Variants in PDE6D observed in about 807,000 individuals in gnomAD.
PDE6D encodes the protein retinal rod rhodopsin-sensitive cGMP 3',5'-cyclic phosphodiesterase subunit delta.
Under a neutral mutation model 21.9 loss-of-function variants are expected in PDE6D, and 10 were observed. That is an observed-to-expected ratio of 0.46 (90% CI 0.28 to 0.78). The LOEUF is 0.78. Among genes scored for constraint, PDE6D ranks in the 30% least tolerant of loss-of-function variants. PDE6D has a pLI of 0.12. For synonymous variants in PDE6D, 59 were observed against 63.5 expected (o/e 0.93, Z 0.34); for missense variants, 139 against 184.8 (o/e 0.75, Z 1.44).
At position 231,781,125 on chromosome 2, in the gene PDE6D, T is replaced by C; in HGVS notation, c.-11A>G. 1 of 1,610,468 alleles carries C rather than the reference T, an allele frequency of 6.2e-7. No homozygotes were observed. Among genetic ancestry groups the C allele is most frequent in the Non-Finnish European group, 8.5e-7 (1 of 1,178,904 alleles). On this transcript the variant is annotated 5_prime_UTR_variant, in exon 1 of 5. Coordinates refer to ENST00000287600, the MANE Select transcript of PDE6D (RefSeq NM_002601.4). Reference sequence around the variant, plus strand: ...GTCCTTGGCTGACATGATGCGGCGGTCGCCGCCCGCGGCTTTCTCACTCTG... The same window carrying C: ...GTCCTTGGCTGACATGATGCGGCGGCCGCCGCCCGCGGCTTTCTCACTCTG...
chr2:231,780,064 G>T (rs763770387), intron 1 of PDE6D, among the ~76,000 whole-genome samples: 1 of 152,148 alleles, frequency 6.6e-6, no homozygotes, highest in Non-Finnish European at 1.5e-5. Flanking sequence ...CAGGAGAATG[G>T]AAAATTTGAA....
At chr2:231,740,108 C>A (rs1252623676) in intron 1 of PDE6D, among the ~76,000 whole-genome samples, 2 of 152,018 alleles carry the variant, frequency 1.3e-5, no homozygotes, top group African/African-American at 4.8e-5. Flanking sequence ...TAATAAAATT[C>A]TGTATATTTT....
rs376586950 is a variant in PDE6D at position 231,781,160 on chromosome 2, G to A, written c.-46C>T. 20 of 1,598,458 alleles carry A rather than the reference G, an allele frequency of 1.3e-5. No homozygotes were observed. Among genetic ancestry groups the A allele is most frequent in the Non-Finnish European group, 1.6e-5 (19 of 1,168,512 alleles). The stretch of plus-strand genomic sequence containing the variant: ...CGGCTTTCTCACTCTGGTCGGCGGA[G>A]CCTCGCAGACGGTGCCCAGGAGCCG... On this transcript the variant is annotated 5_prime_UTR_variant, in exon 1 of 5. Coordinates refer to ENST00000287600, the MANE Select transcript of PDE6D (RefSeq NM_002601.4).
chr2:231,781,059 G>C lies in PDE6D; in HGVS notation c.50+6C>G, dbSNP rs371279759. The C allele has an allele frequency of 7.4e-6, 12 of 1,612,202 alleles. No homozygotes were observed. Among genetic ancestry groups the C allele is most frequent in the Non-Finnish European group, 1.0e-5 (12 of 1,178,824 alleles). On this transcript the variant is annotated splice_donor_region_variant and intron_variant, in intron 1 of 4. Coordinates refer to ENST00000287600, the MANE Select transcript of PDE6D (RefSeq NM_002601.4). ...TCCCGGCCCCGCCCCGCTCCCGGACGGATACAGTTTGAAGCCCCTCAGGAT... is the reference window on the plus strand; with the variant it reads ...TCCCGGCCCCGCCCCGCTCCCGGACCGATACAGTTTGAAGCCCCTCAGGAT...
chr2:231,759,126 T>G (rs1462975266), intron 1 of PDE6D, among the ~76,000 whole-genome samples: 1 of 151,802 alleles, frequency 6.6e-6, no homozygotes, highest in African/African-American at 2.4e-5. Flanking sequence ...GACACCAGCC[T>G]GGGTAACATA....
rs760207745 is a variant in PDE6D at position 231,781,123 on chromosome 2, G to A, written c.-9C>T. 1 of 1,611,384 alleles carries A rather than the reference G, an allele frequency of 6.2e-7. No individual in the cohort carries two copies. The highest frequency in any genetic ancestry group is 1.1e-5 in the South Asian group (1 of 91,000). ...TCGTCCTTGGCTGACATGATGCGGC[G>A]GTCGCCGCCCGCGGCTTTCTCACTC... On this transcript the variant is annotated 5_prime_UTR_variant, in exon 1 of 5. Coordinates refer to ENST00000287600, the MANE Select transcript of PDE6D (RefSeq NM_002601.4).
Position 231,781,217 on chromosome 2 carries a change from C to T in PDE6D, c.-103G>A. 2 of 1,140,744 alleles carry T rather than the reference C, an allele frequency of 1.8e-6. No homozygotes were observed. Among genetic ancestry groups the T allele is most frequent in the Non-Finnish European group, 2.6e-6 (2 of 769,682 alleles). 70.7% of individuals were successfully genotyped at this position (1,140,744 alleles called of 1,614,324 possible). ...GAGCCGCAGCCCGGCTTGGAGACCT[C>T]GGGCTAGCAGCCGCAGCGGCCAGAC... On this transcript the variant is annotated 5_prime_UTR_variant, in exon 1 of 5. Coordinates refer to ENST00000287600, the MANE Select transcript of PDE6D (RefSeq NM_002601.4).
intron 1 of PDE6D, among the ~76,000 whole-genome samples, chr2:231,755,098 G>A (rs1035674894): frequency 3.3e-5 from 5 of 152,060 alleles, no homozygotes; most frequent in East Asian, 1.9e-4. Flanking sequence ...ATAAGGATAC[G>A]AGAAAACAGT....
At chr2:231,777,776 A>C (rs2049068465) in intron 1 of PDE6D, among the ~76,000 whole-genome samples, 1 of 152,228 alleles carries the variant, frequency 6.6e-6, no homozygotes, top group African/African-American at 2.4e-5. Flanking sequence ...TACTTAGTAA[A>C]TAGTACTGGA....
Position 231,738,728 on chromosome 2 carries a change from C to T in PDE6D, c.139+372G>A, listed in dbSNP as rs145655890. ...GTCCGGAGTTCGAGACCAGGATGGCCAACATGGTGAAACCCCATCTCTACT... is the reference window on the plus strand; with the variant it reads ...GTCCGGAGTTCGAGACCAGGATGGCTAACATGGTGAAACCCCATCTCTACT... On this transcript the variant is annotated intron_variant, in intron 2 of 4. Coordinates refer to ENST00000287600, the MANE Select transcript of PDE6D (RefSeq NM_002601.4). Among the ~76,000 whole-genome samples, 171 of 151,812 alleles carry T rather than the reference C, an allele frequency of 1.1e-3. 1 individual carries two copies. The highest frequency in any genetic ancestry group is 2.1e-3 in the East Asian group (11 of 5,158).
chr2:231,760,108 A>C (rs1050494060), intron 1 of PDE6D, among the ~76,000 whole-genome samples: 2 of 152,368 alleles, frequency 1.3e-5, no homozygotes, highest in African/African-American at 4.8e-5. Context: ...TATTTGAATC[A>C]GCTGGTATAC....
At chr2:231,750,586 C>T (rs917491269) in intron 1 of PDE6D, among the ~76,000 whole-genome samples, 6 of 150,470 alleles carry the variant, frequency 4.0e-5, no homozygotes, top group South Asian at 4.2e-4. Flanking sequence ...AACCTCCTCC[C>T]GGGTTCGAGA....
At chr2:231,760,370 T>C (rs530819308) in intron 1 of PDE6D, among the ~76,000 whole-genome samples, 1 of 152,342 alleles carries the variant, frequency 6.6e-6, no homozygotes, top group Admixed American at 6.5e-5. Context: ...ATAATTTAGA[T>C]ATTATTCATG....
intron 2 of PDE6D, 89 bp from the exon 3 acceptor site, chr2:231,738,227 G>T: frequency 8.1e-7 from 1 of 1,239,620 alleles, no homozygotes; most frequent in Non-Finnish European, 1.1e-6. Flanking sequence ...TCTTACAGCT[G>T]ATTTAGAGAA....
At chr2:231,737,522 C>A in intron 3 of PDE6D, 1 of 451,574 alleles carries the variant, frequency 2.2e-6, no homozygotes. Flanking sequence ...AGGACTAGGA[C>A]CAGCGAGCAG....
At chr2:231,747,431 G>A (rs1191314771) in intron 1 of PDE6D, among the ~76,000 whole-genome samples, 1 of 151,714 alleles carries the variant, frequency 6.6e-6, no homozygotes, top group African/African-American at 2.4e-5. Context: ...TAACTGAAGA[G>A]CACATTTAAA....
rs778761508 is a variant in PDE6D, at chr2:231,738,003, A to C, written c.265+10T>G. The C allele has an allele frequency of 1.9e-6, 3 of 1,612,110 alleles. No homozygotes were observed. The highest frequency in any genetic ancestry group is 2.5e-6 in the Non-Finnish European group (3 of 1,179,114). On this transcript the variant is annotated intron_variant, in intron 3 of 4. Coordinates refer to ENST00000287600, the MANE Select transcript of PDE6D (RefSeq NM_002601.4). ...AAGCCCTGATTTCAGGCATGTAGGCAGCAGAATACCTTCTAGGCATTGCCC... is the reference window on the plus strand; with the variant it reads ...AAGCCCTGATTTCAGGCATGTAGGCCGCAGAATACCTTCTAGGCATTGCCC...
chr2:231,734,846 C>CA (rs781430047), intron 4 of PDE6D, among the ~76,000 whole-genome samples: 7,739 of 64,584 alleles, frequency 0.12, 275 homozygotes, highest in South Asian at 0.15. Context: ...GACTCCGTCT[C>CA]AAAAAAAAAA....
At chr2:231,733,111 T>TC in intron 4 of PDE6D, 78 bp from the exon 5 acceptor site, 1 of 996,198 alleles carries the variant, frequency 1.0e-6, no homozygotes, top group Non-Finnish European at 1.6e-6. Context: ...CAAAGTGGTT[T>TC]CCATCTGGAT....
Sources: gnomAD v4.1 joint callset for allele counts (sites outside exome capture counted in the v4.1 genomes callset) on GRCh38, gnomAD v4.1.1 for gene constraint, MANE v1.5 for transcripts, NCBI Gene and HGNC (gene_info 2026-07-23, HGNC 2026-07-21) for gene names.